The following PRH1 variants were observed in gnomAD, a reference collection of about 807,000 sequenced individuals.
PRH1 encodes proline rich protein HaeIII subfamily 1, also known as salivary acidic proline-rich phosphoprotein 1/2.
Under a neutral mutation model 7.9 loss-of-function variants are expected in PRH1, and 7 were observed. The ratio of observed to expected loss-of-function variants is 0.89; its 90% CI spans 0.50 to 1.67. The LOEUF is 1.67. Among genes scored for constraint, PRH1 ranks in the 40% most tolerant of loss-of-function variants. The pLI is 0.00. For missense variants in PRH1, 109 were observed against 223.6 expected, an observed-to-expected ratio of 0.49 and a Z score of 3.27; for synonymous variants, 45 against 80.8, an observed-to-expected ratio of 0.56 and a Z score of 2.38.
intron 2 of PRH1, among the ~76,000 whole-genome samples, chr12:10,934,407 T>C (rs1299952076): frequency 6.6e-6 from 1 of 152,144 alleles, no homozygotes; most frequent in Non-Finnish European, 1.5e-5. Flanking sequence ...CTTGACCCAG[T>C]CAATTCCGTT....
downstream of PRH1, among the ~76,000 whole-genome samples, chr12:11,118,965 A>C (rs1300647055): frequency 1.5e-5 from 2 of 134,990 alleles, no homozygotes; most frequent in African/African-American, 5.4e-5. Context: ...ACTGCACTCC[A>C]GCCTGGAGAC....
chr12:11,010,803 C>T (rs921924119), intron 1 of PRH1, among the ~76,000 whole-genome samples: 1 of 138,410 alleles, frequency 7.2e-6, no homozygotes, highest in Admixed American at 7.6e-5. Flanking sequence ...AATTATGTTG[C>T]TTTTTAATTA....
At chr12:11,013,404 A>C (rs1485899102) in intron 1 of PRH1, among the ~76,000 whole-genome samples, 1 of 152,186 alleles carries the variant, frequency 6.6e-6, no homozygotes, top group Non-Finnish European at 1.5e-5. Context: ...CACATGCATA[A>C]AGATAAATTT....
intron 2 of PRH1, among the ~76,000 whole-genome samples, chr12:10,910,082 T>C (rs1453183703): frequency 6.6e-6 from 1 of 152,152 alleles, no homozygotes; most frequent in Non-Finnish European, 1.5e-5. Context: ...CAGTACTATA[T>C]TACATCATAA....
At chr12:11,155,462 T>C (rs1161937118) in intron 1 of PRH1, among the ~76,000 whole-genome samples, 1 of 152,204 alleles carries the variant, frequency 6.6e-6, no homozygotes, top group Non-Finnish European at 1.5e-5. Flanking sequence ...TAGAATTTTA[T>C]GTGACATATA....
chr12:11,076,058 G>C (rs1288209803), intron 1 of PRH1, among the ~76,000 whole-genome samples: 2 of 89,320 alleles, frequency 2.2e-5, no homozygotes, highest in East Asian at 5.4e-4. Flanking sequence ...ATGTGGATCT[G>C]ATACATATAT....
chr12:11,071,885 A>G (rs1339172161), intron 1 of PRH1, among the ~76,000 whole-genome samples: 1 of 152,122 alleles, frequency 6.6e-6, no homozygotes, highest in African/African-American at 2.4e-5. Context: ...AACCCCCCTT[A>G]CCTTATAAAA....
At chr12:10,964,474 CA>C in intron 2 of PRH1, 1 of 250,120 alleles carries the variant, frequency 4.0e-6, no homozygotes. Context: ...GACACAAAAT[CA>C]AAAGAAAGGT....
chr12:10,907,804 A>G (rs1004038128), intron 2 of PRH1: 9 of 150,688 alleles, frequency 6.0e-5, no homozygotes, highest in Non-Finnish European at 1.3e-4. Flanking sequence ...ATAATGTAAA[A>G]TATGTATGTA....
At chr12:10,963,260 G>A (rs1938341951) in intron 2 of PRH1, among the ~76,000 whole-genome samples, 1 of 151,820 alleles carries the variant, frequency 6.6e-6, no homozygotes, top group Non-Finnish European at 1.5e-5. Context: ...AATAGAACTT[G>A]CTATCACTGA....
chr12:10,908,588 G>A, intron 2 of PRH1: 1 of 1,613,982 alleles, frequency 6.2e-7, no homozygotes, highest in Non-Finnish European at 8.5e-7. Flanking sequence ...AGAATAAAAG[G>A]AATGAGATCA....
chr12:10,946,668 T>A (rs1178598967), intron 2 of PRH1, among the ~76,000 whole-genome samples: 1 of 152,184 alleles, frequency 6.6e-6, no homozygotes, highest in Admixed American at 6.6e-5. Context: ...TTATTCCTTA[T>A]CTTCTGCTAG....
intron 1 of PRH1, among the ~76,000 whole-genome samples, chr12:11,065,699 C>G (rs896465695): frequency 1.3e-5 from 2 of 152,120 alleles, no homozygotes; most frequent in African/African-American, 4.8e-5. Flanking sequence ...ATTTATAACA[C>G]CAACTTCTTA....
chr12:11,099,348 A>C (rs1177534131), intron 1 of PRH1, among the ~76,000 whole-genome samples: 1 of 150,444 alleles, frequency 6.6e-6, no homozygotes, highest in Non-Finnish European at 1.5e-5. Flanking sequence ...CCTGATCCAG[A>C]CTAAATTGGC....
At chr12:10,997,675 A>G in intron 1 of PRH1, 1 of 1,613,752 alleles carries the variant, frequency 6.2e-7, no homozygotes, top group Non-Finnish European at 8.5e-7. Flanking sequence ...ACACAGTTGA[A>G]TACCAATGTA....
chr12:11,030,601 T>A (rs373590595), intron 1 of PRH1: 460 of 1,613,922 alleles, frequency 2.9e-4, no homozygotes, highest in Non-Finnish European at 3.6e-4. Context: ...CTGATATCAT[T>A]ATGGACAGAA....
chr12:11,018,406 C>T (rs1458930367), intron 1 of PRH1, among the ~76,000 whole-genome samples: 1 of 152,216 alleles, frequency 6.6e-6, no homozygotes, highest in African/African-American at 2.4e-5. Context: ...CTATATTGGA[C>T]ACAAACATGT....
chr12:10,908,033 C>A, intron 2 of PRH1: 1 of 203,932 alleles, frequency 4.9e-6, no homozygotes. Context: ...CCTAAATCAC[C>A]CATCTCAATG....
chr12:10,954,976 T>C (rs1386151904), intron 2 of PRH1, among the ~76,000 whole-genome samples: 1 of 151,974 alleles, frequency 6.6e-6, no homozygotes, highest in Non-Finnish European at 1.5e-5. Flanking sequence ...AATCACACAA[T>C]AATAGCAAGA....
Sources: gnomAD v4.1 joint callset for allele counts (sites outside exome capture counted in the v4.1 genomes callset) on GRCh38, gnomAD v4.1.1 for gene constraint, MANE v1.5 for transcripts, NCBI Gene and HGNC (gene_info 2026-07-23, HGNC 2026-07-21) for gene names.